Variants in F2RL1 observed in about 807,000 individuals in gnomAD.
F2RL1 encodes the protein proteinase-activated receptor 2.
F2RL1 carries 16 observed loss-of-function variants against 21.7 expected under a neutral mutation model. The observed-to-expected ratio is 0.74, with a 90% CI of 0.50 to 1.12. The LOEUF (loss-of-function observed/expected upper bound fraction) is 1.12. Ranked by LOEUF, F2RL1 falls within the 50% of genes most tolerant of loss-of-function variation. The probability of loss-of-function intolerance (pLI) is 0.00; values close to 1 mark genes in which losing one functional copy is unlikely to be tolerated. For missense variants in F2RL1, 432 were observed against 477.8 expected (o/e 0.90, Z 0.89); for synonymous variants, 181 against 186.7 (o/e 0.97, Z 0.25).
chr5:76,822,970 G>A (rs1343698338), intron 1 of F2RL1, among the ~76,000 whole-genome samples: 7 of 152,140 alleles, frequency 4.6e-5, no homozygotes, highest in Non-Finnish European at 8.8e-5. Flanking sequence ...GGTGGCTCAC[G>A]CCTGTAATCC....
At chr5:76,831,561 G>T (rs2243058) in intron 1 of F2RL1, among the ~76,000 whole-genome samples, 6,614 of 143,450 alleles carry the variant, frequency 0.046, 510 homozygotes, top group African/African-American at 0.16. Flanking sequence ...TTTGACTGAG[G>T]CTCGCTCTGT....
intron 1 of F2RL1, among the ~76,000 whole-genome samples, chr5:76,826,132 C>G (rs1221551220): frequency 6.6e-6 from 1 of 151,622 alleles, no homozygotes; most frequent in Non-Finnish European, 1.5e-5. Flanking sequence ...CCTGTTATTT[C>G]TTTTCTGTTT....
At position 76,819,199 on chromosome 5, in the gene F2RL1, C is replaced by A; in HGVS notation, c.17C>A (p.Ala6Glu). Reference protein sequence around the residue: MRSPSAAWLLGAAILL... With the variant: MRSPSEAWLLGAAILL... ...TCCAGGAGGATGCGGAGCCCCAGCG[C>A]GGCGTGGCTGCTGGGGGCCGCCATC... The change falls in exon 1 of 2, where the codon GCG becomes GAG. Residue 6 changes from alanine (A) to glutamate (E), a missense_variant. By Grantham distance (107) the Ala-to-Glu change is moderately radical. Transcript: ENST00000296677. The A allele has an allele frequency of 6.3e-7, 1 of 1,587,216 alleles. No individual in the cohort carries two copies. The highest frequency in any genetic ancestry group is 2.3e-5 in the East Asian group (1 of 44,316).
Position 76,833,020 on chromosome 5 carries a change from GCAA to G in F2RL1, c.418_420del (p.Asn140del). On this transcript the variant is annotated inframe_deletion, in exon 2 of 2. Transcript: ENST00000296677. The stretch of plus-strand genomic sequence containing the variant: ...TTGAAGATTGCCTATCACATACATG[GCAA>G]CAACTGGATTTATGGGGAAGCTCTT... 3 of 1,614,094 alleles carry G rather than the reference GCAA, an allele frequency of 1.9e-6. No homozygotes were observed. The highest frequency in any genetic ancestry group is 2.5e-6 in the Non-Finnish European group (3 of 1,179,956).
In F2RL1 at chr5:76,835,144, A is replaced by G. The variant is rs1561213791; in HGVS notation, c.*1343A>G. ...TTCACTTGTTATCTAATACAAAATTATAAAGCCTTCAGAGGGTTTGGACCA... is the reference window on the plus strand; with the variant it reads ...TTCACTTGTTATCTAATACAAAATTGTAAAGCCTTCAGAGGGTTTGGACCA... On this transcript the variant is annotated 3_prime_UTR_variant, in exon 2 of 2. Transcript: ENST00000296677. 2 of 152,382 alleles carry G rather than the reference A, an allele frequency of 1.3e-5. No individual in the cohort carries two copies. Among genetic ancestry groups the G allele is most frequent in the South Asian group, 2.1e-4 (1 of 4,836 alleles). The allele number at this position is 152,382 out of a possible 1,614,324, so 9.4% of individuals were successfully genotyped here. A position where few individuals can be genotyped will look rare whatever the true frequency, so the allele number is the denominator to read the frequency against.
chr5:76,827,600 C>CTTTTTT (rs70982643), intron 1 of F2RL1, among the ~76,000 whole-genome samples: 8 of 104,986 alleles, frequency 7.6e-5, no homozygotes, highest in Admixed American at 1.2e-4. Flanking sequence ...CATATAGTAA[C>CTTTTTT]TTTTTTTTTT....
rs879102015 is a variant in F2RL1 at position 76,832,771 on chromosome 5, T to C, written c.164T>C (p.Val55Ala). 4 of 1,614,126 alleles carry C rather than the reference T, an allele frequency of 2.5e-6. No homozygotes were observed. In the Admixed American group the frequency reaches 6.7e-5, roughly 27 times the overall value. The change falls in exon 2 of 2, where the codon GTT (valine) becomes GCT (alanine). Residue 55 changes from valine (V) to alanine (A), a missense_variant. Val to Ala is a moderately conservative substitution (Grantham distance 64). Coordinates refer to ENST00000296677, the MANE Select transcript of F2RL1 (RefSeq NM_005242.6). ...TSHVTGKGVTVETVFSVDEFS... is the reference protein window; with the variant it reads ...TSHVTGKGVTAETVFSVDEFS... ...CACGTCACTGGAAAAGGAGTTACAGTTGAAACAGTCTTTTCTGTGGATGAG... is the reference window on the plus strand; with the variant it reads ...CACGTCACTGGAAAAGGAGTTACAGCTGAAACAGTCTTTTCTGTGGATGAG...
intron 1 of F2RL1, among the ~76,000 whole-genome samples, chr5:76,826,958 C>T (rs1750251386): frequency 1.3e-5 from 2 of 151,832 alleles, no homozygotes; most frequent in African/African-American, 2.4e-5. Context: ...TCAAGCTGTC[C>T]TCCTGCCTCA....
intron 1 of F2RL1, among the ~76,000 whole-genome samples, chr5:76,828,441 A>T (rs1352728866): frequency 6.6e-6 from 1 of 151,806 alleles, no homozygotes; most frequent in African/African-American, 2.4e-5. Flanking sequence ...ACTAACATTA[A>T]TTTTTAATAT....
At chr5:76,819,348 G>A (rs1304810020) in intron 1 of F2RL1, 84 bp downstream of exon 1, 3 of 1,194,350 alleles carry the variant, frequency 2.5e-6, no homozygotes, top group African/African-American at 1.5e-5. Context: ...ATCCGGGCAG[G>A]TGTGCGAAGG....
At chr5:76,819,946 G>T (rs1287353971) in intron 1 of F2RL1, among the ~76,000 whole-genome samples, 1 of 152,166 alleles carries the variant, frequency 6.6e-6, no homozygotes, top group Non-Finnish European at 1.5e-5. Flanking sequence ...TGGTGGTAAT[G>T]AGCGCTCAGG....
chr5:76,833,189 C>A lies in F2RL1; in HGVS notation c.582C>A (p.Ile194=), dbSNP rs775116595. 5.6e-6 allele frequency: 9 copies of A among 1,614,120 alleles called. No individual in the cohort carries two copies. The highest frequency in any genetic ancestry group is 5.9e-6 in the Non-Finnish European group (7 of 1,179,970). The change falls in exon 2 of 2, where the codon ATC becomes ATA. Residue 194 remains isoleucine, a synonymous_variant. Coordinates refer to ENST00000296677, the MANE Select transcript of F2RL1 (RefSeq NM_005242.6). The part of the protein sequence containing the change: ...SRKKANIAIG[I]SLAIWLLILL... ...AGAAGGCAAACATTGCCATTGGCAT[C>A]TCCCTGGCAATATGGCTGCTGATTC...
At chr5:76,822,139 T>C (rs1750147472) in intron 1 of F2RL1, among the ~76,000 whole-genome samples, 2 of 152,232 alleles carry the variant, frequency 1.3e-5, no homozygotes, top group Admixed American at 6.5e-5. Flanking sequence ...ATATAAAACA[T>C]TTTTAATGAC....
intron 1 of F2RL1, among the ~76,000 whole-genome samples, chr5:76,824,378 C>T (rs1750202113): frequency 6.6e-6 from 1 of 151,934 alleles, no homozygotes; most frequent in Non-Finnish European, 1.5e-5. Context: ...GTCACCCAGG[C>T]TGGAGTGCAG....
At chr5:76,824,391 G>A (rs1750202226) in intron 1 of F2RL1, among the ~76,000 whole-genome samples, 2 of 151,522 alleles carry the variant, frequency 1.3e-5, no homozygotes, top group South Asian at 4.2e-4. Flanking sequence ...GAGTGCAGTG[G>A]TGTGATCTCA....
rs1750074964 is a variant in F2RL1, at chr5:76,819,118, A to T, written c.-65A>T. 2 of 1,326,246 alleles carry T rather than the reference A, an allele frequency of 1.5e-6. No homozygotes were observed. The highest frequency in any genetic ancestry group is 4.1e-5 in the Admixed American group (2 of 49,152). 82.2% of individuals were successfully genotyped at this position (1,326,246 alleles called of 1,614,324 possible). The stretch of plus-strand genomic sequence containing the variant: ...GACTTTCTCTCGGTGCGTCCAGTGG[A>T]GCTCTGAGTTTCGAATCGGCGGCGG... On this transcript the variant is annotated 5_prime_UTR_variant, in exon 1 of 2. Coordinates refer to ENST00000296677, the MANE Select transcript of F2RL1 (RefSeq NM_005242.6).
At chr5:76,824,378 C>CTGGA (rs1407216121) in intron 1 of F2RL1, among the ~76,000 whole-genome samples, 1 of 151,934 alleles carries the variant, frequency 6.6e-6, no homozygotes, top group Non-Finnish European at 1.5e-5. Context: ...GTCACCCAGG[C>CTGGA]TGGAGTGCAG....
At chr5:76,828,049 A>G (rs984210460) in intron 1 of F2RL1, among the ~76,000 whole-genome samples, 2 of 151,940 alleles carry the variant, frequency 1.3e-5, no homozygotes, top group African/African-American at 4.8e-5. Context: ...GGCTCATTGC[A>G]ACCTGTGCCT....
At chr5:76,823,861 G>A (rs1334564423) in intron 1 of F2RL1, among the ~76,000 whole-genome samples, 3 of 142,240 alleles carry the variant, frequency 2.1e-5, no homozygotes, top group Non-Finnish European at 3.0e-5. Flanking sequence ...CGCCCAGGCT[G>A]GAGTGAAGGG....
Sources: allele counts gnomAD v4.1 joint callset (sites outside exome capture counted in the v4.1 genomes callset), GRCh38; gene constraint gnomAD v4.1.1; transcripts MANE v1.5; gene names NCBI Gene and HGNC (gene_info 2026-07-23, HGNC 2026-07-21).